Variants in PCDH7 observed in about 807,000 individuals in gnomAD.
PCDH7 encodes protocadherin-7.
PCDH7 carries 17 observed loss-of-function variants against 58.9 expected under a neutral mutation model. The observed-to-expected ratio is 0.29, with a 90% CI of 0.20 to 0.43. The LOEUF (loss-of-function observed/expected upper bound fraction) is 0.43. Among genes scored for constraint, PCDH7 ranks in the 20% least tolerant of loss-of-function variants. The pLI is 1.00. For synonymous variants in PCDH7, 664 were observed against 616.4 expected (o/e 1.08, Z -1.14); for missense variants, 1,274 against 1,441.0 (o/e 0.88, Z 1.88).
intron 1 of PCDH7, among the ~76,000 whole-genome samples, chr4:30,740,038 T>C (rs2029202): frequency 0.3 from 45,259 of 152,096 alleles, 7,070 homozygotes; most frequent in African/African-American, 0.32. Context: ...GCAACACCTA[T>C]AATTATCTTC....
intron 1 of PCDH7, among the ~76,000 whole-genome samples, chr4:30,857,191 GT>G (rs1181407820): frequency 1.3e-5 from 2 of 152,044 alleles, no homozygotes; most frequent in East Asian, 1.9e-4. Flanking sequence ...TCTGGGGTGT[GT>G]TTTCTGAATG....
rs565029848 is a variant in PCDH7, at chr4:30,801,723, A to G, written c.70+77127A>G. Among the ~76,000 whole-genome samples the G allele has an allele frequency of 1.2e-4, 18 of 152,320 alleles. 1 individual carries two copies. The highest frequency in any genetic ancestry group is 4.1e-4 in the African/African-American group (17 of 41,582). On this transcript the variant is annotated intron_variant, in intron 1 of 3. Coordinates refer to the PCDH7 transcript ENST00000509759. ...AGTGGAACTCACAAGGTCATACTGG[A>G]GGATGAAGAAACATGTGCAGGAAAG...
At chr4:31,035,408 C>A (rs1283645180) in intron 3 of PCDH7, among the ~76,000 whole-genome samples, 2 of 152,042 alleles carry the variant, frequency 1.3e-5, no homozygotes, top group Non-Finnish European at 2.9e-5. Flanking sequence ...CGTGTGCCAC[C>A]ACGCCCGGCT....
At chr4:31,140,232 G>A (rs1720081494) in intron 3 of PCDH7, among the ~76,000 whole-genome samples, 1 of 152,018 alleles carries the variant, frequency 6.6e-6, no homozygotes, top group Non-Finnish European at 1.5e-5. Flanking sequence ...CAAACAACAG[G>A]AAAACAAGTG....
chr4:30,971,684 A>G (rs1040061991), intron 3 of PCDH7, among the ~76,000 whole-genome samples: 2 of 152,218 alleles, frequency 1.3e-5, no homozygotes, highest in East Asian at 1.9e-4. Context: ...TAAATTGTCT[A>G]CTTTTGAGGA....
At chr4:30,798,338 G>A (rs760600499) in intron 1 of PCDH7, among the ~76,000 whole-genome samples, 2 of 152,010 alleles carry the variant, frequency 1.3e-5, no homozygotes, top group South Asian at 2.1e-4. Flanking sequence ...AATATATCTG[G>A]GTTGTATGCT....
chr4:30,882,775 G>A (rs1560464803), intron 1 of PCDH7, among the ~76,000 whole-genome samples: 1 of 152,184 alleles, frequency 6.6e-6, no homozygotes, highest in Non-Finnish European at 1.5e-5. Context: ...CTTAGCAATA[G>A]CTGCAATTAC....
chr4:30,860,091 A>G (rs1734007020), intron 1 of PCDH7, among the ~76,000 whole-genome samples: 1 of 152,196 alleles, frequency 6.6e-6, no homozygotes, highest in Non-Finnish European at 1.5e-5. Flanking sequence ...CACAAACATC[A>G]GTAAGGCATT....
At chr4:30,926,486 C>T (rs539644658) in intron 2 of PCDH7, among the ~76,000 whole-genome samples, 1 of 152,176 alleles carries the variant, frequency 6.6e-6, no homozygotes, top group Admixed American at 6.5e-5. Context: ...ACCCAGCCAA[C>T]TTTAGGTAAA....
intron 3 of PCDH7, among the ~76,000 whole-genome samples, chr4:30,979,363 G>A (rs1449213295): frequency 6.6e-6 from 1 of 151,162 alleles, no homozygotes; most frequent in Non-Finnish European, 1.5e-5. Context: ...AAAAAATTTG[G>A]TACTACCTGA....
At chr4:30,964,442 C>T (rs1393465372) in intron 3 of PCDH7, among the ~76,000 whole-genome samples, 2 of 151,808 alleles carry the variant, frequency 1.3e-5, no homozygotes, top group African/African-American at 4.8e-5. Flanking sequence ...GGGGTTTCAC[C>T]GTGTTAGCCA....
At chr4:30,882,190 CT>C (rs1239679814) in intron 1 of PCDH7, among the ~76,000 whole-genome samples, 1 of 150,012 alleles carries the variant, frequency 6.7e-6, no homozygotes, top group African/African-American at 2.5e-5. Context: ...CCTCTTTCCC[CT>C]CCCCTTCCTC....
intron 3 of PCDH7, among the ~76,000 whole-genome samples, chr4:30,958,671 G>T (rs1748094349): frequency 6.6e-6 from 1 of 151,792 alleles, no homozygotes; most frequent in Non-Finnish European, 1.5e-5. Context: ...GTTTGCAACT[G>T]AAATAAATGA....
chr4:30,753,672 C>T (rs1427209878), intron 1 of PCDH7, among the ~76,000 whole-genome samples: 3 of 152,134 alleles, frequency 2.0e-5, no homozygotes, highest in Non-Finnish European at 4.4e-5. Flanking sequence ...TTATTAAACC[C>T]CTTGACTGTT....
intron 3 of PCDH7, among the ~76,000 whole-genome samples, chr4:31,073,740 T>C (rs1177475142): frequency 6.6e-6 from 1 of 152,186 alleles, no homozygotes; most frequent in Non-Finnish European, 1.5e-5. Flanking sequence ...GCATACACAA[T>C]TTTATAACAC....
At chr4:30,853,144 A>G (rs1305337899) in intron 1 of PCDH7, among the ~76,000 whole-genome samples, 1 of 152,104 alleles carries the variant, frequency 6.6e-6, no homozygotes, top group Non-Finnish European at 1.5e-5. Flanking sequence ...ATGGGGAAGA[A>G]TTTCTAAAAG....
chr4:30,778,734 C>T (rs1003268466), intron 1 of PCDH7, among the ~76,000 whole-genome samples: 3 of 151,982 alleles, frequency 2.0e-5, no homozygotes, highest in East Asian at 1.9e-4. Flanking sequence ...ATTTATCTTT[C>T]CTGCATTTCA....
rs1400204196 is a variant in PCDH7, at chr4:30,894,516, T to TATATATAC, written c.71-25636_71-25635insTATATACA. ...ATATATATATATATATATATATATA[T>TATATATAC]ACACACACACACACACACACACACA... is the stretch of plus-strand genomic sequence containing the variant. On this transcript the variant is annotated intron_variant, in intron 1 of 3. Coordinates refer to the PCDH7 transcript ENST00000509759. Among the ~76,000 whole-genome samples, 134 of 32,160 alleles carry TATATATAC rather than the reference T, an allele frequency of 4.2e-3. 1 individual carries two copies. The highest frequency in any genetic ancestry group is 0.011 in the East Asian group (10 of 886). The allele number at this position is 32,160 out of a possible 152,430, so 21.1% of individuals were successfully genotyped here.
At chr4:30,920,452 AAATAAAAT>A (rs1376865468) in intron 2 of PCDH7, 83 bp downstream of exon 2, 1 of 921,684 alleles carries the variant, frequency 1.1e-6, no homozygotes, top group East Asian at 6.1e-5. Context: ...TCTAAAACCA[AAATAAAAT>A]AGCTGACATT....
Sources: allele counts gnomAD v4.1 joint callset (sites outside exome capture counted in the v4.1 genomes callset), GRCh38; gene constraint gnomAD v4.1.1; transcripts MANE v1.5; gene names NCBI Gene and HGNC (gene_info 2026-07-23, HGNC 2026-07-21).